The following EBF1 variants were observed in gnomAD, a reference collection of about 807,000 sequenced individuals.
The protein encoded by EBF1 is transcription factor COE1.
EBF1 carries 10 observed loss-of-function variants against 68.4 expected under a neutral mutation model. That is an observed-to-expected ratio of 0.15 (90% CI 0.09 to 0.25). EBF1 has a LOEUF of 0.25. Ranked by LOEUF, EBF1 falls within the 10% of genes least tolerant of loss-of-function variation. The probability of loss-of-function intolerance (pLI) is 1.00; values close to 1 mark genes in which losing one functional copy is unlikely to be tolerated. For synonymous variants in EBF1, 298 were observed against 299.8 expected (o/e 0.99, Z 0.06); for missense variants, 509 against 794.4 (o/e 0.64, Z 4.32).
At chr5:158,944,226 AC>A (rs1814152282) in intron 6 of EBF1, among the ~76,000 whole-genome samples, 2 of 150,310 alleles carry the variant, frequency 1.3e-5, no homozygotes, top group East Asian at 3.9e-4. Flanking sequence ...CTTGTCCTCC[AC>A]CCCCCTACAG....
In EBF1 at chr5:158,932,808, T is replaced by C. The variant is rs180754329; in HGVS notation, c.555-92698A>G. On this transcript the variant is annotated intron_variant, in intron 6 of 15. Coordinates refer to ENST00000313708, the MANE Select transcript of EBF1 (RefSeq NM_024007.5). ...CTCCCAGAACACTCCTTTAAAAGTA[T>C]CTCTGTACATCAAACCCATAATAGT... Among the ~76,000 whole-genome samples the C allele has an allele frequency of 1.2e-3, 183 of 152,324 alleles. 1 individual carries two copies. Among genetic ancestry groups the C allele is most frequent in the Non-Finnish European group, 2.1e-3 (142 of 68,028 alleles).
chr5:159,014,236 A>C (rs1765221857), intron 6 of EBF1, among the ~76,000 whole-genome samples: 1 of 152,256 alleles, frequency 6.6e-6, no homozygotes, highest in Admixed American at 6.5e-5. Context: ...TGGCAGGCAG[A>C]AGATTCCAAA....
At chr5:159,045,688 A>T (rs942733797) in intron 6 of EBF1, among the ~76,000 whole-genome samples, 1 of 152,248 alleles carries the variant, frequency 6.6e-6, no homozygotes, top group African/African-American at 2.4e-5. Flanking sequence ...ACTCAGGGAC[A>T]ATGAAGTAGG....
At chr5:159,075,467 T>C (rs921018706) in intron 5 of EBF1, among the ~76,000 whole-genome samples, 1 of 152,184 alleles carries the variant, frequency 6.6e-6, no homozygotes, top group South Asian at 2.1e-4. Context: ...AAGTAGGCAA[T>C]GCAAGCTGCC....
chr5:159,048,094 G>A (rs1312421694), intron 6 of EBF1, among the ~76,000 whole-genome samples: 2 of 152,164 alleles, frequency 1.3e-5, no homozygotes, highest in Non-Finnish European at 2.9e-5. Context: ...CCAACAGCAT[G>A]AACACTCTTA....
chr5:158,843,693 G>C (rs926354247), intron 6 of EBF1, among the ~76,000 whole-genome samples: 52 of 152,208 alleles, frequency 3.4e-4, no homozygotes, highest in African/African-American at 1.2e-3. Context: ...CCCTACCCCA[G>C]AGGGAGCCTC....
At chr5:158,969,496 G>A (rs1754879280) in intron 6 of EBF1, among the ~76,000 whole-genome samples, 1 of 151,188 alleles carries the variant, frequency 6.6e-6, no homozygotes, top group African/African-American at 2.4e-5. Flanking sequence ...GGGGGCTGTG[G>A]CTCATGCCTA....
At chr5:158,798,762 A>G (rs1780041655) in intron 8 of EBF1, among the ~76,000 whole-genome samples, 1 of 152,204 alleles carries the variant, frequency 6.6e-6, no homozygotes, top group African/African-American at 2.4e-5. Flanking sequence ...AAGAGCATCA[A>G]GCTTCCAGAG....
chr5:159,099,439 T>C lies in EBF1; in HGVS notation c.40A>G (p.Ser14Gly), dbSNP rs1335039973. 6.3e-6 allele frequency: 10 copies of C among 1,599,430 alleles called. No homozygotes were observed. The highest frequency in any genetic ancestry group is 8.5e-6 in the Non-Finnish European group (10 of 1,173,410). The part of the protein sequence containing the change: ...IQESIQRSGS[S>G]MKEEPLGSGM... ...CTGCCCAGCGGCTCTTCCTTCATGC[T>C]GCTTCCACTCCGTTGGATGCTTTCC... The change falls in exon 1 of 16, where the codon AGC becomes GGC. Residue 14 changes from serine to glycine, a missense_variant. Physicochemically the swap from Ser to Gly is moderately conservative, Grantham distance 56 (BLOSUM62 0). Around this residue, in one of 3 missense-constraint regions of EBF1, gnomAD observed 74 missense variants for 79.4 expected, o/e 0.93. Transcript: ENST00000313708.
intron 6 of EBF1, among the ~76,000 whole-genome samples, chr5:159,016,720 C>G (rs961236100): frequency 6.6e-6 from 1 of 152,178 alleles, no homozygotes; most frequent in South Asian, 2.1e-4. Flanking sequence ...CACTGACTAG[C>G]CAATCGAAAC....
At chr5:158,775,011 T>C (rs1774810445) in intron 10 of EBF1, among the ~76,000 whole-genome samples, 1 of 151,728 alleles carries the variant, frequency 6.6e-6, no homozygotes, top group South Asian at 2.1e-4. Flanking sequence ...GCTTCTTGTC[T>C]GGTGCCCACA....
chr5:159,095,209 T>C (rs531692044), intron 4 of EBF1, among the ~76,000 whole-genome samples: 130 of 151,454 alleles, frequency 8.6e-4, no homozygotes, highest in African/African-American at 3.0e-3. Context: ...CCACCCCTCC[T>C]CCGCCCCCTC....
chr5:158,787,454 C>T (rs1368027698), intron 9 of EBF1, among the ~76,000 whole-genome samples: 1 of 152,176 alleles, frequency 6.6e-6, no homozygotes, highest in Non-Finnish European at 1.5e-5. Context: ...TTCTCATTAA[C>T]CCAAAGCTTT....
intron 6 of EBF1, among the ~76,000 whole-genome samples, chr5:158,938,034 C>G (rs1812454088): frequency 6.6e-6 from 1 of 152,148 alleles, no homozygotes. Context: ...CAAAATGTAC[C>G]TTTCTTTGAA....
intron 10 of EBF1, among the ~76,000 whole-genome samples, chr5:158,759,281 T>A (rs959016973): frequency 6.6e-6 from 1 of 152,186 alleles, no homozygotes; most frequent in Non-Finnish European, 1.5e-5. Flanking sequence ...TCCCCCTCTA[T>A]TCGCCTTTAT....
At chr5:158,790,385 C>T (rs894223169) in intron 9 of EBF1, among the ~76,000 whole-genome samples, 1 of 152,198 alleles carries the variant, frequency 6.6e-6, no homozygotes, top group Non-Finnish European at 1.5e-5. Context: ...GGTTTTCTCA[C>T]ATCTATCCCA....
chr5:158,917,798 C>T (rs1807546390), intron 6 of EBF1, among the ~76,000 whole-genome samples: 1 of 152,182 alleles, frequency 6.6e-6, no homozygotes, highest in Admixed American at 6.5e-5. Flanking sequence ...AGCCCAAACT[C>T]CCTCTTTTTC....
In EBF1 at chr5:159,005,554, G is replaced by A. The variant is rs554572749; in HGVS notation, c.554+67842C>T. On this transcript the variant is annotated intron_variant, in intron 6 of 15. Transcript: ENST00000313708. ...GAGCTATTAACTGAGTTTGGATAGC[G>A]TTTTATATTTCTTTCCTGTACATTT... Among the ~76,000 whole-genome samples the A allele has an allele frequency of 1.1e-4, 16 of 152,208 alleles. No homozygotes were observed. In the South Asian group the frequency reaches 2.1e-3, roughly 20 times the overall value.
rs1762202808 is a variant in EBF1 at position 158,722,782 on chromosome 5, A to T, written c.1125+8287T>A. ...GTTGGGGCTTGGTACTTATTACTCT[A>T]ATGCTCCACTGAAGTGTTACTCAGG... On this transcript the variant is annotated intron_variant, in intron 11 of 15. Coordinates refer to ENST00000313708, the MANE Select transcript of EBF1 (RefSeq NM_024007.5). 2.6e-5 allele frequency among the ~76,000 whole-genome samples: 4 copies of T among 152,122 alleles called. No individual in the cohort carries two copies. In the South Asian group the frequency reaches 8.3e-4, roughly 32 times the overall value.
Sources: allele counts gnomAD v4.1 joint callset (sites outside exome capture counted in the v4.1 genomes callset), GRCh38; gene constraint gnomAD v4.1.1; regional missense constraint gnomAD v4.1.1; transcripts MANE v1.5; gene names NCBI Gene and HGNC (gene_info 2026-07-23, HGNC 2026-07-21).